Variants in ACACA observed in about 807,000 individuals in gnomAD.
ACACA encodes acetyl-CoA carboxylase alpha.
Under a neutral mutation model 296.1 loss-of-function variants are expected in ACACA, and 103 were observed. The observed-to-expected ratio is 0.35, with a 90% CI of 0.30 to 0.41. ACACA has a LOEUF of 0.41. Ranked by LOEUF, ACACA falls within the 10% of genes least tolerant of loss-of-function variation. The probability of loss-of-function intolerance (pLI) is 1.00; values close to 1 mark genes in which losing one functional copy is unlikely to be tolerated. For missense variants in ACACA, 1,554 were observed against 2,989.7 expected, an observed-to-expected ratio of 0.52 and a Z score of 11.20; for synonymous variants, 953 against 1,038.6, an observed-to-expected ratio of 0.92 and a Z score of 1.58.
intron 41 of ACACA, among the ~76,000 whole-genome samples, chr17:37,177,458 C>A (rs977947525): frequency 6.6e-6 from 1 of 152,070 alleles, no homozygotes; most frequent in Non-Finnish European, 1.5e-5. Flanking sequence ...AGTCTCCATT[C>A]GCTCAAACAC....
At chr17:37,247,486 G>GCCTCTA (rs1157620857) in intron 18 of ACACA, among the ~76,000 whole-genome samples, 4 of 151,068 alleles carry the variant, frequency 2.6e-5, no homozygotes, top group African/African-American at 9.8e-5. Context: ...TCCTGCCTCT[G>GCCTCTA]CCTCCCAAGT....
At chr17:37,393,444 C>T (rs766073699) in intron 1 of ACACA, among the ~76,000 whole-genome samples, 8 of 152,118 alleles carry the variant, frequency 5.3e-5, no homozygotes, top group Non-Finnish European at 1.2e-4. Flanking sequence ...CATCCTCACC[C>T]TTCCCAGCCT....
At chr17:37,285,042 T>C (rs2082704165) in intron 3 of ACACA, 72 bp from the exon 4 acceptor site, 2 of 1,573,570 alleles carry the variant, frequency 1.3e-6, no homozygotes, top group South Asian at 1.1e-5. Context: ...ACCATACCCA[T>C]AACAGTACTT....
intron 1 of ACACA, chr17:37,369,525 C>G (rs1032741246): frequency 6.6e-6 from 1 of 151,734 alleles, no homozygotes; most frequent in African/African-American, 2.4e-5. Flanking sequence ...ATGGGCAAAA[C>G]AAGCCAGGTG....
intron 2 of ACACA, among the ~76,000 whole-genome samples, chr17:37,335,422 A>G (rs2048072282): frequency 4.6e-5 from 7 of 152,266 alleles, no homozygotes; most frequent in Middle Eastern, 3.4e-3. Flanking sequence ...CTCCCAATGC[A>G]TCAGGTGGGT....
chr17:37,088,901 C>A (rs188168629), intron 55 of ACACA, 37 bp downstream of exon 55: 54 of 1,612,166 alleles, frequency 3.3e-5, no homozygotes, highest in Non-Finnish European at 8.5e-7. Context: ...AGAAATTAGC[C>A]CTCCTTCTCT....
At chr17:37,369,054 G>C (rs12952401) in intron 1 of ACACA, among the ~76,000 whole-genome samples, 56,871 of 152,020 alleles carry the variant, frequency 0.37, 14,361 homozygotes, top group African/African-American at 0.71. Context: ...CTCTCAACAG[G>C]AGAATGAATA....
Position 37,247,806 on chromosome 17 carries a change from C to T in ACACA, c.2309+205G>A, listed in dbSNP as rs537598996. ...AGGGGAACTTATTTTTCATTGTCCA[C>T]ATACACTGGAGTGGTAGGGAGACAT... is the stretch of plus-strand genomic sequence containing the variant. On this transcript the variant is annotated intron_variant, in intron 18 of 55. Coordinates refer to ENST00000616317, the MANE Select transcript of ACACA (RefSeq NM_198834.3). 5.3e-5 allele frequency: 33 copies of T among 620,914 alleles called. 1 individual carries two copies. The highest frequency in any genetic ancestry group is 5.2e-4 in the South Asian group (26 of 49,526). The allele number at this position is 620,914 out of a possible 1,614,324, so 38.5% of individuals were successfully genotyped here. A position where few individuals can be genotyped will look rare whatever the true frequency, so the allele number is the denominator to read the frequency against.
chr17:37,123,273 C>A (rs1360384767), intron 48 of ACACA, among the ~76,000 whole-genome samples: 1 of 152,096 alleles, frequency 6.6e-6, no homozygotes, highest in Non-Finnish European at 1.5e-5. Context: ...ACAAATGGGA[C>A]AAGGATAATT....
chr17:37,199,997 A>C lies in ACACA; in HGVS notation c.4158+142T>G. 4 of 705,882 alleles carry C rather than the reference A, an allele frequency of 5.7e-6. No homozygotes were observed. The South Asian group carries it at 8.2e-5, about 14-fold the overall frequency. 43.7% of individuals were successfully genotyped at this position (705,882 alleles called of 1,614,324 possible). On this transcript the variant is annotated intron_variant, in intron 35 of 55. Coordinates refer to ENST00000616317, the MANE Select transcript of ACACA (RefSeq NM_198834.3). ...CTCCCAAAGTGCTGGGATTACAGAGAACTGAATATTTATTATAATAATTTC... is the reference window on the plus strand; with the variant it reads ...CTCCCAAAGTGCTGGGATTACAGAGCACTGAATATTTATTATAATAATTTC...
At chr17:37,332,607 CA>C (rs35940399) in intron 2 of ACACA, among the ~76,000 whole-genome samples, 15,402 of 63,790 alleles carry the variant, frequency 0.24, 1,157 homozygotes, top group East Asian at 0.54. Context: ...CCCATCTGTA[CA>C]AAAAAAAAAA....
chr17:37,402,593 C>T (rs1303866363), intron 1 of ACACA, among the ~76,000 whole-genome samples: 1 of 152,130 alleles, frequency 6.6e-6, no homozygotes, highest in African/African-American at 2.4e-5. Flanking sequence ...TATGGTCACC[C>T]TACTTGTAAG....
At chr17:37,339,109 G>A (rs528579148) in intron 2 of ACACA, among the ~76,000 whole-genome samples, 2 of 152,322 alleles carry the variant, frequency 1.3e-5, no homozygotes, top group South Asian at 4.1e-4. Flanking sequence ...ATTTACAGCA[G>A]TAAATAGTTA....
At chr17:37,230,105 C>G (rs993128862) in intron 25 of ACACA, among the ~76,000 whole-genome samples, 8 of 150,464 alleles carry the variant, frequency 5.3e-5, no homozygotes, top group African/African-American at 1.5e-4. Flanking sequence ...ATAAATAAGG[C>G]CGGGTGCGGT....
At chr17:37,361,078 G>C (rs938324592) in intron 1 of ACACA, among the ~76,000 whole-genome samples, 1 of 138,246 alleles carries the variant, frequency 7.2e-6, no homozygotes, top group South Asian at 2.2e-4. Context: ...TCGCTCTGTC[G>C]CCCAGGCTGG....
chr17:37,165,637 A>G (rs1210509667), intron 41 of ACACA, among the ~76,000 whole-genome samples: 1 of 150,626 alleles, frequency 6.6e-6, no homozygotes, highest in Non-Finnish European at 1.5e-5. Context: ...AGTAATTCCT[A>G]TCTTTTCTGA....
At chr17:37,139,680 C>T (rs888409789) in intron 45 of ACACA, among the ~76,000 whole-genome samples, 1 of 152,148 alleles carries the variant, frequency 6.6e-6, no homozygotes, top group Non-Finnish European at 1.5e-5. Flanking sequence ...AATCGGGCTC[C>T]GAAGGTACTG....
chr17:37,088,883 T>G (rs2072411336), intron 55 of ACACA, 55 bp downstream of exon 55: 3 of 1,602,304 alleles, frequency 1.9e-6, no homozygotes, highest in Non-Finnish European at 2.6e-6. Flanking sequence ...GGAAACTTTT[T>G]ATTCCAAAGA....
At chr17:37,260,275 TATATATATATATA>T (rs2081412156) in intron 11 of ACACA, among the ~76,000 whole-genome samples, 1 of 31,702 alleles carries the variant, frequency 3.2e-5, no homozygotes, top group Non-Finnish European at 5.0e-5. Flanking sequence ...TATATATATA[TATATATATATATA>T]TATATATATT....
Sources: allele counts gnomAD v4.1 joint callset (sites outside exome capture counted in the v4.1 genomes callset), GRCh38; gene constraint gnomAD v4.1.1; transcripts MANE v1.5; gene names NCBI Gene and HGNC (gene_info 2026-07-23, HGNC 2026-07-21).